The following TGIF1 variants were observed in gnomAD, a reference collection of about 807,000 sequenced individuals.
The protein encoded by TGIF1 is homeobox protein TGIF1.
TGIF1 carries 4 observed loss-of-function variants against 19.3 expected under a neutral mutation model. The observed-to-expected ratio is 0.21, with a 90% CI of 0.10 to 0.47. The LOEUF (loss-of-function observed/expected upper bound fraction) is 0.47, where lower values mean the gene tolerates loss of function less well. Ranked by LOEUF, TGIF1 falls within the 20% of genes least tolerant of loss-of-function variation. The pLI is 0.98. For missense variants in TGIF1, 275 were observed against 341.4 expected, an observed-to-expected ratio of 0.81 and a Z score of 1.53; for synonymous variants, 122 against 129.3, an observed-to-expected ratio of 0.94 and a Z score of 0.38.
intron 2 of TGIF1, among the ~76,000 whole-genome samples, chr18:3,423,142 T>C (rs1387445288): frequency 1.3e-5 from 2 of 152,172 alleles, no homozygotes; most frequent in Admixed American, 6.6e-5. Flanking sequence ...GCCTAATGCA[T>C]GTAGTCGGCT....
In TGIF1 at chr18:3,456,064, T is replaced by G. The variant is rs928151188; in HGVS notation, c.17-290T>G. ...GGTGCAGTTTGTCTCCTCCAATGAT[T>G]AGACGAAAGAGTTTTCTGACCATCA... is the stretch of plus-strand genomic sequence containing the variant. On this transcript the variant is annotated intron_variant, in intron 1 of 2. Transcript: ENST00000343820. This position sits in a 1 kb window ranked among gnomAD's most constrained non-coding sequence, Gnocchi z 4.2. 1.5e-5 allele frequency: 7 copies of G among 457,922 alleles called. No individual in the cohort carries two copies. The highest frequency in any genetic ancestry group is 1.0e-4 in the Admixed American group (3 of 29,442). 28.4% of individuals were successfully genotyped at this position (457,922 alleles called of 1,614,324 possible).
chr18:3,436,396 A>G (rs947258318), intron 2 of TGIF1, among the ~76,000 whole-genome samples: 1 of 152,332 alleles, frequency 6.6e-6, no homozygotes, highest in East Asian at 1.9e-4. Context: ...CAGCAGATGA[A>G]GCTGAATCCC....
intron 2 of TGIF1, chr18:3,418,720 A>T (rs1193646921): frequency 6.6e-6 from 1 of 152,212 alleles, no homozygotes; most frequent in African/African-American, 2.4e-5. Flanking sequence ...ACTAAAGATG[A>T]GTAGGAATAG....
Position 3,451,765 on chromosome 18 carries a change from A to T in TGIF1, c.16+1260A>T. ...AAACTTGAAACTCGGATCAACTGGC[A>T]GTCGTTGTTGGTAGAACGCCCTAAG... is the stretch of plus-strand genomic sequence containing the variant. On this transcript the variant is annotated intron_variant, in intron 1 of 2. Coordinates refer to ENST00000343820, the MANE Select transcript of TGIF1 (RefSeq NM_003244.4). The surrounding 1 kb of genome is among the most constrained non-coding windows in gnomAD (Gnocchi z 5.4). 1 of 1,251,920 alleles carries T rather than the reference A, an allele frequency of 8.0e-7. No individual in the cohort carries two copies. Among genetic ancestry groups the T allele is most frequent in the East Asian group, 3.1e-5 (1 of 32,200 alleles). The allele number at this position is 1,251,920 out of a possible 1,614,324, so 77.6% of individuals were successfully genotyped here.
intron 2 of TGIF1, among the ~76,000 whole-genome samples, chr18:3,438,151 C>A (rs2082638124): frequency 6.6e-6 from 1 of 150,684 alleles, no homozygotes; most frequent in Non-Finnish European, 1.5e-5. Context: ...TATTTTTTTT[C>A]CATAAAGAAG....
At position 3,450,537 on chromosome 18, in the gene TGIF1, G is replaced by C. The variant is rs1354577192; in HGVS notation, c.16+32G>C. 2.6e-6 allele frequency: 4 copies of C among 1,557,138 alleles called. No individual in the cohort carries two copies. The African/African-American group carries it at 4.1e-5, about 16-fold the overall frequency. On this transcript the variant is annotated intron_variant, in intron 1 of 2. Transcript: ENST00000343820. ...CGGCCGCGGGCTGCGCGCACCAGAA[G>C]ACGCGAGTCCGGGGAAACGTGCTGG...
intron 2 of TGIF1, among the ~76,000 whole-genome samples, chr18:3,438,430 T>C (rs2082640952): frequency 6.6e-6 from 1 of 152,086 alleles, no homozygotes; most frequent in Admixed American, 6.6e-5. Flanking sequence ...CCTACTTTTT[T>C]CAAACCTAAA....
At chr18:3,452,718 G>T (rs920266262) in intron 1 of TGIF1, among the ~76,000 whole-genome samples, 1 of 152,176 alleles carries the variant, frequency 6.6e-6, no homozygotes, top group African/African-American at 2.4e-5. Context: ...CTGGGAGGGG[G>T]GAGCCTTCCC....
At chr18:3,427,017 G>A (rs1439852635) in intron 2 of TGIF1, among the ~76,000 whole-genome samples, 5 of 146,762 alleles carry the variant, frequency 3.4e-5, no homozygotes, top group Admixed American at 7.2e-5. Flanking sequence ...TCCGCCTCCC[G>A]GGTTCAACCT....
chr18:3,448,376 G>A, upstream of TGIF1: 1 of 1,008,080 alleles, frequency 9.9e-7, no homozygotes, highest in Middle Eastern at 5.1e-4. Flanking sequence ...AACGGGCGGC[G>A]GGGGCGCTGG....
chr18:3,459,815 T>C lies in TGIF1; in HGVS notation c.*1875T>C, dbSNP rs545108904. 2.0e-5 allele frequency: 3 copies of C among 152,332 alleles called. No homozygotes were observed. The highest frequency in any genetic ancestry group is 4.8e-5 in the African/African-American group (2 of 41,578). 9.4% of individuals were successfully genotyped at this position (152,332 alleles called of 1,614,324 possible). A position where few individuals can be genotyped will look rare whatever the true frequency, so the allele number is the denominator to read the frequency against. On this transcript the variant is annotated 3_prime_UTR_variant, in exon 3 of 3. Transcript: ENST00000343820. ...CTATTGAGGTTGTTACAGGTCATGG[T>C]TGATAATAGTTGGTGTTGAATGAAT...
upstream of TGIF1, chr18:3,447,483 C>T (rs999805557): frequency 6.8e-6 from 4 of 586,914 alleles, no homozygotes; most frequent in Middle Eastern, 4.5e-4. Context: ...CAAAAAATAC[C>T]CTAAGCAATT....
At chr18:3,428,525 C>T (rs2082503458) in intron 2 of TGIF1, among the ~76,000 whole-genome samples, 1 of 151,162 alleles carries the variant, frequency 6.6e-6, no homozygotes, top group South Asian at 2.1e-4. Flanking sequence ...ATCATGAGGT[C>T]GGGAGATCGA....
In TGIF1 at chr18:3,451,682, G is replaced by A. The variant is rs2082941104; in HGVS notation, c.16+1177G>A. 1 of 1,186,026 alleles carries A rather than the reference G, an allele frequency of 8.4e-7. No homozygotes were observed. The highest frequency in any genetic ancestry group is 4.3e-5 in the Admixed American group (1 of 23,224). The allele number at this position is 1,186,026 out of a possible 1,614,324, so 73.5% of individuals were successfully genotyped here. ...TCCTTCGGCTGCGTTTCTGTGGGAG[G>A]CCCTGAAACGCGCGGAGCTTCCCTC... On this transcript the variant is annotated intron_variant, in intron 1 of 2. Transcript: ENST00000343820. This position sits in a 1 kb window ranked among gnomAD's most constrained non-coding sequence, Gnocchi z 5.4.
At position 3,433,676 on chromosome 18, in the gene TGIF1, T is replaced by A. The variant is rs924043294; in HGVS notation, c.-45+15461T>A. ...CTTAGTGTTTAATGGGTAAAGAGGT[T>A]ATTTTTTATTTTAGAGACAGGGTCT... On this transcript the variant is annotated intron_variant, in intron 2 of 3. Coordinates refer to the TGIF1 transcript ENST00000401449. Among the ~76,000 whole-genome samples the A allele has an allele frequency of 2.6e-5, 4 of 152,324 alleles. No homozygotes were observed. In the South Asian group the frequency reaches 8.3e-4, roughly 32 times the overall value.
At chr18:3,449,769 G>C, upstream of TGIF1, 2 of 985,542 alleles carry the variant, frequency 2.0e-6, no homozygotes, top group African/African-American at 3.5e-5. Flanking sequence ...TGTCAAAAAC[G>C]AGACGGGGAG....
chr18:3,435,658 C>T (rs2143211913), intron 2 of TGIF1, among the ~76,000 whole-genome samples: 1 of 152,246 alleles, frequency 6.6e-6, no homozygotes, highest in South Asian at 2.1e-4. Context: ...TTTGAGGTTT[C>T]CCTTTTGCTA....
intron 2 of TGIF1, chr18:3,418,335 G>C (rs529790186): frequency 6.6e-6 from 1 of 152,298 alleles, no homozygotes; most frequent in South Asian, 2.1e-4. Flanking sequence ...GCGATCTATA[G>C]TCTCCAGCTG....
At chr18:3,432,441 G>A (rs12606927) in intron 2 of TGIF1, among the ~76,000 whole-genome samples, 99,204 of 152,096 alleles carry the variant, frequency 0.65, 32,897 homozygotes, top group East Asian at 0.92. Context: ...AAAAATATGA[G>A]TATGGTCAGT....
Sources: allele counts gnomAD v4.1 joint callset (sites outside exome capture counted in the v4.1 genomes callset), GRCh38; gene constraint gnomAD v4.1.1; non-coding constraint Gnocchi (gnomAD v3.1); transcripts MANE v1.5; gene names NCBI Gene and HGNC (gene_info 2026-07-23, HGNC 2026-07-21).